MAML3: variants seen among roughly 807,000 people sequenced by gnomAD.
MAML3 encodes mastermind-like protein 3.
In MAML3, 27 loss-of-function variants were observed where a neutral mutation model predicts 101.9. The observed-to-expected ratio is 0.27, with a 90% CI of 0.20 to 0.37. The LOEUF (loss-of-function observed/expected upper bound fraction) is 0.37, where lower values mean the gene tolerates loss of function less well. Ranked by LOEUF, MAML3 falls within the 10% of genes least tolerant of loss-of-function variation. MAML3 has a pLI of 1.00. For synonymous variants in MAML3, 501 were observed against 555.9 expected (o/e 0.90, Z 1.39); for missense variants, 1,316 against 1,444.9 (o/e 0.91, Z 1.45).
chr4:139,786,244 T>A (rs549318654), intron 2 of MAML3, among the ~76,000 whole-genome samples: 2 of 151,896 alleles, frequency 1.3e-5, no homozygotes, highest in Non-Finnish European at 2.9e-5. Context: ...AAAATAAATG[T>A]CTGTTGTTTA....
intron 1 of MAML3, among the ~76,000 whole-genome samples, chr4:139,898,425 A>G (rs1325183040): frequency 6.6e-6 from 1 of 152,240 alleles, no homozygotes; most frequent in Non-Finnish European, 1.5e-5. Context: ...TTTAAGCGAC[A>G]TTACCATGGT....
chr4:140,091,223 C>T (rs912349334), intron 1 of MAML3, among the ~76,000 whole-genome samples: 1 of 152,150 alleles, frequency 6.6e-6, no homozygotes, highest in Non-Finnish European at 1.5e-5. Context: ...GGTACAACTG[C>T]TTTTTCCTAT....
intron 1 of MAML3, among the ~76,000 whole-genome samples, chr4:140,005,530 A>G (rs1255911392): frequency 6.6e-6 from 1 of 152,214 alleles, no homozygotes; most frequent in Non-Finnish European, 1.5e-5. Context: ...TGCTCTTTTA[A>G]ATAACAACAG....
In MAML3 at chr4:139,885,932, C is replaced by CAAAAAAAAAAAAAAAAAA. The variant is rs1182443191; in HGVS notation, c.2079+3407_2079+3424dup. On this transcript the variant is annotated intron_variant, in intron 2 of 4. Coordinates refer to ENST00000509479, the MANE Select transcript of MAML3 (RefSeq NM_018717.5). The stretch of plus-strand genomic sequence containing the variant: ...TGGGCGACAGGGCAAGACTCCGTCT[C>CAAAAAAAAAAAAAAAAAA]AAAAAAAAAAAAAAAAAAAAAAAAA... Among the ~76,000 whole-genome samples the CAAAAAAAAAAAAAAAAAA allele has an allele frequency of 6.4e-4, 13 of 20,304 alleles. 1 individual carries two copies. Among genetic ancestry groups the CAAAAAAAAAAAAAAAAAA allele is most frequent in the Admixed American group, 1.1e-3 (1 of 918 alleles). The allele number at this position is 20,304 out of a possible 152,430, so 13.3% of individuals were successfully genotyped here.
chr4:139,992,784 C>T (rs1734704987), intron 1 of MAML3, among the ~76,000 whole-genome samples: 1 of 152,126 alleles, frequency 6.6e-6, no homozygotes, highest in South Asian at 2.1e-4. Flanking sequence ...GTCTTGATCT[C>T]TTGACCTTGT....
intron 1 of MAML3, chr4:140,134,039 C>G: frequency 2.3e-6 from 1 of 442,606 alleles, no homozygotes. Flanking sequence ...TCTCCCATCT[C>G]TCCCTCCAGG....
intron 2 of MAML3, among the ~76,000 whole-genome samples, chr4:139,832,853 T>C (rs1731193210): frequency 1.3e-5 from 2 of 152,222 alleles, no homozygotes; most frequent in African/African-American, 2.4e-5. Context: ...TTTGTCCACA[T>C]CATCCGCAGT....
intron 1 of MAML3, among the ~76,000 whole-genome samples, chr4:140,042,835 C>T (rs1232304420): frequency 1.3e-5 from 2 of 152,028 alleles, no homozygotes; most frequent in Non-Finnish European, 2.9e-5. Flanking sequence ...AACATTCCAA[C>T]CCGGGCACAA....
At chr4:139,805,660 A>T (rs1160033336) in intron 2 of MAML3, among the ~76,000 whole-genome samples, 1 of 152,158 alleles carries the variant, frequency 6.6e-6, no homozygotes, top group African/African-American at 2.4e-5. Context: ...GAAGAAGTCA[A>T]CTCTTCCCAG....
intron 1 of MAML3, among the ~76,000 whole-genome samples, chr4:140,119,356 T>C (rs1728566297): frequency 6.6e-6 from 1 of 152,320 alleles, no homozygotes; most frequent in South Asian, 2.1e-4. Flanking sequence ...ATTAAAGTCT[T>C]ACATTAGACA....
chr4:140,002,934 TG>T (rs1278408195), intron 1 of MAML3, among the ~76,000 whole-genome samples: 3 of 152,186 alleles, frequency 2.0e-5, no homozygotes, highest in African/African-American at 7.2e-5. Context: ...CAGGGTCTGT[TG>T]GAACCATGCC....
In MAML3 at chr4:140,153,615, C is replaced by G. The variant is rs1187374110; in HGVS notation, c.-288G>C. On this transcript the variant is annotated 5_prime_UTR_variant, in exon 1 of 5. Transcript: ENST00000509479. ...CAAAAAGAATCACAACAAACTGAGC[C>G]AGCAGCAAATCGGGTTGCAACTCAA... 2.6e-6 allele frequency: 1 copy of G among 380,298 alleles called. No homozygotes were observed. Among genetic ancestry groups the G allele is most frequent in the Non-Finnish European group, 4.7e-6 (1 of 214,710 alleles). 23.6% of individuals were successfully genotyped at this position (380,298 alleles called of 1,614,324 possible). A position where few individuals can be genotyped will look rare whatever the true frequency, so the allele number is the denominator to read the frequency against.
Position 139,785,673 on chromosome 4 carries a change from T to C in MAML3, c.2080-55006A>G, listed in dbSNP as rs76036362. 4.2e-4 allele frequency among the ~76,000 whole-genome samples: 63 copies of C among 150,598 alleles called. No individual in the cohort carries two copies. Among genetic ancestry groups the C allele is most frequent in the Non-Finnish European group, 8.3e-4 (56 of 67,596 alleles). ...CTTCATTCACATATCTCTGCACTAA[T>C]TTTTTTTTTCCTGTGATAAAACAGA... is the stretch of plus-strand genomic sequence containing the variant. On this transcript the variant is annotated intron_variant, in intron 2 of 4. Coordinates refer to ENST00000509479, the MANE Select transcript of MAML3 (RefSeq NM_018717.5). This position sits in a 1 kb window ranked among gnomAD's most constrained non-coding sequence, Gnocchi z 4.3.
In MAML3 at chr4:139,719,713, T is replaced by C. The variant is rs1195266869; in HGVS notation, c.3027A>G (p.Ser1009=). ...KQHFPQGLSQ[S]VVDANTGTVR... is the part of the protein sequence containing the mutation. ...CTGTGCCCGTGTTAGCATCCACGACTGACTGGCTCAGTCCCTGTGGGAAGT... is the reference window on the plus strand; with the variant it reads ...CTGTGCCCGTGTTAGCATCCACGACCGACTGGCTCAGTCCCTGTGGGAAGT... Residue 1009 remains serine (S), a synonymous_variant, in exon 5 of 5, where the codon TCA becomes TCG. Transcript: ENST00000509479. 1.2e-6 allele frequency: 2 copies of C among 1,613,760 alleles called. No homozygotes were observed. Among genetic ancestry groups the C allele is most frequent in the South Asian group, 1.1e-5 (1 of 91,030 alleles).
At chr4:140,059,568 A>G (rs1578663479) in intron 1 of MAML3, among the ~76,000 whole-genome samples, 1 of 152,242 alleles carries the variant, frequency 6.6e-6, no homozygotes, top group South Asian at 2.1e-4. Context: ...TTATTATTTT[A>G]AAAACTCATA....
intron 1 of MAML3, among the ~76,000 whole-genome samples, chr4:140,124,261 A>C (rs1728652615): frequency 6.6e-6 from 1 of 152,192 alleles, no homozygotes; most frequent in African/African-American, 2.4e-5. Flanking sequence ...TAGCACCTTG[A>C]AATCTGTGCA....
chr4:140,108,370 T>G (rs1728387313), intron 1 of MAML3, among the ~76,000 whole-genome samples: 1 of 151,916 alleles, frequency 6.6e-6, no homozygotes. Context: ...CATTTAATGC[T>G]TCCCTGAGTC....
chr4:140,153,344 A>G lies in MAML3; in HGVS notation c.-17T>C, dbSNP rs774649996. On this transcript the variant is annotated 5_prime_UTR_variant, in exon 1 of 5. Transcript: ENST00000509479. ...ATCCCCCATCCTGCTCCCCGGGCAC[A>G]CTATTTTGGAAGAACTTTTTTTATC... The G allele has an allele frequency of 9.7e-6, 15 of 1,552,478 alleles. No homozygotes were observed. The highest frequency in any genetic ancestry group is 1.4e-5 in the African/African-American group (1 of 72,936).
chr4:139,984,317 T>A (rs915568643), intron 1 of MAML3, among the ~76,000 whole-genome samples: 2 of 152,094 alleles, frequency 1.3e-5, no homozygotes, highest in African/African-American at 4.8e-5. Flanking sequence ...ATCAAATATA[T>A]TGACAGGGGT....
Sources: allele counts gnomAD v4.1 joint callset (sites outside exome capture counted in the v4.1 genomes callset), GRCh38; gene constraint gnomAD v4.1.1; non-coding constraint Gnocchi (gnomAD v3.1); transcripts MANE v1.5; gene names NCBI Gene and HGNC (gene_info 2026-07-23, HGNC 2026-07-21).